The following PLCXD2 variants were observed in gnomAD, a reference collection of about 807,000 sequenced individuals.
The protein encoded by PLCXD2 is PI-PLC X domain-containing protein 2.
PLCXD2 carries 21 observed loss-of-function variants against 28.6 expected under a neutral mutation model. The ratio of observed to expected loss-of-function variants is 0.73; its 90% confidence interval spans 0.52 to 1.06. The LOEUF is 1.06. Among genes scored for constraint, PLCXD2 ranks in the 50% least tolerant of loss-of-function variants. The pLI, the probability that PLCXD2 is intolerant of heterozygous loss-of-function variation, is 0.00. For missense variants in PLCXD2, 369 were observed against 376.7 expected (o/e 0.98, Z 0.17); for synonymous variants, 140 against 150.1 (o/e 0.93, Z 0.49).
chr3:111,686,139 A>C (rs1259470627), intron 1 of PLCXD2, among the ~76,000 whole-genome samples: 1 of 152,186 alleles, frequency 6.6e-6, no homozygotes, highest in African/African-American at 2.4e-5. Flanking sequence ...TTTCACACAT[A>C]GATACTTCAT....
chr3:111,696,894 C>G (rs969007266), intron 1 of PLCXD2, among the ~76,000 whole-genome samples: 12 of 152,136 alleles, frequency 7.9e-5, no homozygotes, highest in Middle Eastern at 3.4e-3. Flanking sequence ...TAATTATTAT[C>G]TATTAGAAGT....
chr3:111,714,214 T>C (rs1576463814), intron 3 of PLCXD2, 86 bp downstream of exon 3: 8 of 1,465,438 alleles, frequency 5.5e-6, no homozygotes, highest in South Asian at 2.7e-5. Flanking sequence ...AGTAAAGCCA[T>C]GTAGTCTGAG....
intron 1 of PLCXD2, among the ~76,000 whole-genome samples, chr3:111,678,013 A>G (rs1027672500): frequency 1.3e-5 from 2 of 152,172 alleles, no homozygotes; most frequent in Non-Finnish European, 2.9e-5. Context: ...TGGGGCATCT[A>G]TAGGACTGGG....
intron 1 of PLCXD2, among the ~76,000 whole-genome samples, chr3:111,700,192 C>T (rs545470616): frequency 6.6e-6 from 1 of 152,268 alleles, no homozygotes; most frequent in East Asian, 1.9e-4. Flanking sequence ...TTCTGATATG[C>T]ATCTAAGGTT....
intron 1 of PLCXD2, among the ~76,000 whole-genome samples, chr3:111,682,552 C>T (rs183706999): frequency 5.1e-4 from 77 of 152,220 alleles, no homozygotes; most frequent in Middle Eastern, 3.4e-3. Flanking sequence ...CATTTGTGCG[C>T]TATAATGCAA....
intron 3 of PLCXD2, among the ~76,000 whole-genome samples, chr3:111,720,049 T>G (rs1941324505): frequency 1.3e-5 from 2 of 152,158 alleles, no homozygotes; most frequent in African/African-American, 4.8e-5. Flanking sequence ...GATTGATGGA[T>G]AGATATGTGG....
chr3:111,685,755 G>C (rs1488940124), intron 1 of PLCXD2, among the ~76,000 whole-genome samples: 1 of 152,210 alleles, frequency 6.6e-6, no homozygotes, highest in Non-Finnish European at 1.5e-5. Context: ...TTTGGAGACA[G>C]AGCAGGATGC....
chr3:111,712,521 G>T (rs747399782), intron 2 of PLCXD2, among the ~76,000 whole-genome samples: 7 of 152,168 alleles, frequency 4.6e-5, no homozygotes, highest in African/African-American at 1.7e-4. Context: ...TACCACAGAC[G>T]TCATTAGCAG....
chr3:111,713,092 C>T (rs1232588661), intron 2 of PLCXD2, among the ~76,000 whole-genome samples: 1 of 152,162 alleles, frequency 6.6e-6, no homozygotes, highest in Non-Finnish European at 1.5e-5. Flanking sequence ...GTCTATTTAC[C>T]CACAAATTAG....
At chr3:111,716,712 C>T (rs1426600387) in intron 3 of PLCXD2, among the ~76,000 whole-genome samples, 1 of 152,134 alleles carries the variant, frequency 6.6e-6, no homozygotes, top group Non-Finnish European at 1.5e-5. Context: ...TGTGTTGTGC[C>T]CCGTCCCATC....
At chr3:111,717,646 T>G (rs1427364529) in intron 3 of PLCXD2, among the ~76,000 whole-genome samples, 1 of 152,128 alleles carries the variant, frequency 6.6e-6, no homozygotes, top group Non-Finnish European at 1.5e-5. Context: ...CCAGGGATCC[T>G]CCAAGGTGAG....
At chr3:111,726,688 C>T (rs1219719846) in intron 3 of PLCXD2, 1 of 152,078 alleles carries the variant, frequency 6.6e-6, no homozygotes, top group Non-Finnish European at 1.5e-5. Context: ...CTTTTTACCC[C>T]TAGGAAATAA....
intron 1 of PLCXD2, among the ~76,000 whole-genome samples, chr3:111,679,439 C>A (rs1363469562): frequency 1.3e-5 from 2 of 152,202 alleles, no homozygotes; most frequent in Non-Finnish European, 2.9e-5. Context: ...CCCATGTGAA[C>A]AACTTGCTGA....
intron 1 of PLCXD2, chr3:111,692,566 T>A (rs1940903895): frequency 6.6e-6 from 1 of 152,240 alleles, no homozygotes; most frequent in Non-Finnish European, 1.5e-5. Flanking sequence ...AATATTTTTT[T>A]AAAAGCCTCT....
intron 1 of PLCXD2, among the ~76,000 whole-genome samples, chr3:111,676,097 G>A (rs981771971): frequency 3.3e-5 from 5 of 152,142 alleles, no homozygotes; most frequent in Non-Finnish European, 5.9e-5. Flanking sequence ...TCTCTCTGCC[G>A]GAGGTTTTAT....
intron 1 of PLCXD2, among the ~76,000 whole-genome samples, chr3:111,685,660 G>A (rs1339320849): frequency 6.6e-6 from 1 of 152,144 alleles, no homozygotes; most frequent in Non-Finnish European, 1.5e-5. Flanking sequence ...AGCAAATATG[G>A]TTATCTCAGA....
chr3:111,719,355 C>T (rs905771307), intron 3 of PLCXD2, among the ~76,000 whole-genome samples: 4 of 152,024 alleles, frequency 2.6e-5, no homozygotes, highest in Non-Finnish European at 4.4e-5. Context: ...GACAGAAGAC[C>T]AGTATCTAGG....
chr3:111,700,068 G>C (rs1196067491), intron 1 of PLCXD2, among the ~76,000 whole-genome samples: 1 of 152,198 alleles, frequency 6.6e-6, no homozygotes, highest in Non-Finnish European at 1.5e-5. Context: ...ATTAGAATCA[G>C]CAAGAAGCTT....
chr3:111,693,190 G>C (rs1316552092), intron 1 of PLCXD2, among the ~76,000 whole-genome samples: 1 of 152,190 alleles, frequency 6.6e-6, no homozygotes, highest in African/African-American at 2.4e-5. Flanking sequence ...ATAAAAGGCT[G>C]CTCAGAGTTT....
Sources: gnomAD v4.1 joint callset for allele counts (sites outside exome capture counted in the v4.1 genomes callset) on GRCh38, gnomAD v4.1.1 for gene constraint, MANE v1.5 for transcripts, NCBI Gene and HGNC (gene_info 2026-07-23, HGNC 2026-07-21) for gene names.